Variants in HPSE2 observed in about 807,000 individuals in gnomAD.
The protein encoded by HPSE2 is inactive heparanase-2.
Under a neutral mutation model 60.5 loss-of-function variants are expected in HPSE2, and 38 were observed. That is an observed-to-expected ratio of 0.63 (90% confidence interval 0.48 to 0.82). The LOEUF (loss-of-function observed/expected upper bound fraction) is 0.82. Among genes scored for constraint, HPSE2 ranks in the 40% least tolerant of loss-of-function variants. The probability of loss-of-function intolerance (pLI) is 0.00; values close to 1 mark genes in which losing one functional copy is unlikely to be tolerated. For missense variants in HPSE2, 713 were observed against 740.4 expected (o/e 0.96, Z 0.43); for synonymous variants, 295 against 293.2 (o/e 1.01, Z -0.06).
intron 3 of HPSE2, among the ~76,000 whole-genome samples, chr10:99,129,317 A>C (rs1044700261): frequency 1.3e-5 from 2 of 152,206 alleles, no homozygotes; most frequent in African/African-American, 4.8e-5. Context: ...ATTCTACTCA[A>C]CATCTGTAGA....
intron 3 of HPSE2, among the ~76,000 whole-genome samples, chr10:98,764,869 AAAAC>A (rs373825498): frequency 1.1e-4 from 16 of 152,290 alleles, no homozygotes; most frequent in African/African-American, 2.4e-4. Context: ...TCCGTCATAA[AAAAC>A]AAACAAACAA....
intron 3 of HPSE2, among the ~76,000 whole-genome samples, chr10:98,852,137 G>T (rs945175301): frequency 7.3e-6 from 1 of 137,478 alleles, no homozygotes; most frequent in Middle Eastern, 3.6e-3. Flanking sequence ...GTGTGTGTGT[G>T]TGTGTGTGTG....
intron 3 of HPSE2, among the ~76,000 whole-genome samples, chr10:98,809,059 A>G (rs1057123209): frequency 2.0e-5 from 3 of 152,062 alleles, no homozygotes; most frequent in Admixed American, 6.6e-5. Context: ...TTCCCAGGTG[A>G]CTCTTTTTTC....
the HPSE2 span, among the ~76,000 whole-genome samples, chr10:99,249,343 G>C: frequency 6.6e-6 from 1 of 152,156 alleles, no homozygotes; most frequent in Non-Finnish European, 1.5e-5. Flanking sequence ...TATGAGACAT[G>C]GAGTCAAAGG....
chr10:98,856,095 T>C (rs908765203), intron 3 of HPSE2, among the ~76,000 whole-genome samples: 1 of 152,134 alleles, frequency 6.6e-6, no homozygotes, highest in Non-Finnish European at 1.5e-5. Flanking sequence ...ACTAAAGGCC[T>C]AGCAGAAAGA....
At chr10:98,545,031 C>T (rs1037868389) in intron 9 of HPSE2, among the ~76,000 whole-genome samples, 21 of 152,218 alleles carry the variant, frequency 1.4e-4, no homozygotes, top group Middle Eastern at 3.4e-3. Flanking sequence ...AACACCTCTA[C>T]GCAAATAAAC....
chr10:98,662,553 A>G (rs1388521863), intron 6 of HPSE2, among the ~76,000 whole-genome samples: 1 of 152,200 alleles, frequency 6.6e-6, no homozygotes, highest in African/African-American at 2.4e-5. Context: ...GATATAGTTG[A>G]GAGTGAAGGA....
chr10:99,191,312 A>G (rs1386076927), intron 2 of HPSE2, among the ~76,000 whole-genome samples: 1 of 152,020 alleles, frequency 6.6e-6, no homozygotes, highest in South Asian at 2.1e-4. Flanking sequence ...CCGAGACCCA[A>G]TGCTATGCTG....
At chr10:98,851,372 T>G (rs773814423) in intron 3 of HPSE2, among the ~76,000 whole-genome samples, 4 of 129,038 alleles carry the variant, frequency 3.1e-5, no homozygotes, top group Non-Finnish European at 7.0e-5. Flanking sequence ...CCTTAACCTC[T>G]TGCTTCACAG....
intron 3 of HPSE2, among the ~76,000 whole-genome samples, chr10:99,108,719 G>A (rs1844344532): frequency 6.6e-6 from 1 of 152,176 alleles, no homozygotes; most frequent in South Asian, 2.1e-4. Context: ...CTTTTAGCAT[G>A]AAGTGGTTTC....
intron 3 of HPSE2, among the ~76,000 whole-genome samples, chr10:99,118,192 C>T (rs931980118): frequency 6.6e-6 from 1 of 152,030 alleles, no homozygotes. Context: ...ATTCAACACC[C>T]CTTCATGTTA....
At chr10:98,888,591 G>A (rs1481291469) in intron 3 of HPSE2, among the ~76,000 whole-genome samples, 1 of 152,076 alleles carries the variant, frequency 6.6e-6, no homozygotes, top group African/African-American at 2.4e-5. Flanking sequence ...TCTGTTTAGG[G>A]ATTGTATAAG....
rs1440620859 is a variant in HPSE2 at position 98,459,362 on chromosome 10, G to A, written c.*212C>T. 3.1e-6 allele frequency: 2 copies of A among 636,822 alleles called. No individual in the cohort carries two copies. The highest frequency in any genetic ancestry group is 3.6e-5 in the African/African-American group (2 of 55,590). The allele number at this position is 636,822 out of a possible 1,614,324, so 39.4% of individuals were successfully genotyped here. A position where few individuals can be genotyped will look rare whatever the true frequency, so the allele number is the denominator to read the frequency against. ...TTATCCTTATATAGGTACAGGTGAT[G>A]TCTACATTTTCCTTTGGGATGGATG... is the stretch of plus-strand genomic sequence containing the variant. On this transcript the variant is annotated 3_prime_UTR_variant, in exon 12 of 12. Coordinates refer to ENST00000370552, the MANE Select transcript of HPSE2 (RefSeq NM_021828.5).
chr10:98,474,375 C>T (rs1940911219), intron 11 of HPSE2, among the ~76,000 whole-genome samples: 1 of 152,054 alleles, frequency 6.6e-6, no homozygotes, highest in Non-Finnish European at 1.5e-5. Flanking sequence ...GGATTTTTCA[C>T]ATTAGCCAAG....
intron 9 of HPSE2, among the ~76,000 whole-genome samples, chr10:98,539,406 A>G (rs961680960): frequency 3.3e-5 from 5 of 152,124 alleles, no homozygotes; most frequent in Non-Finnish European, 7.3e-5. Flanking sequence ...CTGTAATCCC[A>G]ACTACTTGAG....
At chr10:99,251,229 C>G in the HPSE2 span, among the ~76,000 whole-genome samples, 1 of 152,154 alleles carries the variant, frequency 6.6e-6, no homozygotes, top group Non-Finnish European at 1.5e-5. Context: ...ATGCCACAAA[C>G]TACAAAACCT....
chr10:98,742,143 G>A (rs1392481518), intron 4 of HPSE2, among the ~76,000 whole-genome samples: 1 of 152,022 alleles, frequency 6.6e-6, no homozygotes, highest in Non-Finnish European at 1.5e-5. Flanking sequence ...AAAACTTCAG[G>A]CTACCCTAGT....
chr10:98,564,627 TA>T, intron 9 of HPSE2, among the ~76,000 whole-genome samples: 1 of 152,312 alleles, frequency 6.6e-6, no homozygotes, highest in Non-Finnish European at 1.5e-5. Flanking sequence ...ATCGAGTAGT[TA>T]AAAATATTGT....
chr10:99,199,498 A>G (rs1024190669), intron 2 of HPSE2, among the ~76,000 whole-genome samples: 1 of 152,026 alleles, frequency 6.6e-6, no homozygotes, highest in South Asian at 2.1e-4. Context: ...TTGCATGTGG[A>G]TATCCCGTTT....
Sources: allele counts gnomAD v4.1 joint callset (sites outside exome capture counted in the v4.1 genomes callset), GRCh38; gene constraint gnomAD v4.1.1; transcripts MANE v1.5; gene names NCBI Gene and HGNC (gene_info 2026-07-23, HGNC 2026-07-21).